Variants in AKR1D1 observed in about 807,000 individuals in gnomAD.
The protein encoded by AKR1D1 is aldo-keto reductase family 1 member D1, also known as delta(4)-3-ketosteroid 5-beta-reductase.
In AKR1D1, 32 loss-of-function variants were observed where a neutral mutation model predicts 42.6. That is an observed-to-expected ratio of 0.75 (90% CI 0.57 to 1.01). The LOEUF is 1.01. Among genes scored for constraint, AKR1D1 ranks in the 50% least tolerant of loss-of-function variants. AKR1D1 has a pLI of 0.00. For missense variants in AKR1D1, 364 were observed against 402.2 expected (o/e 0.91, Z 0.81); for synonymous variants, 123 against 135.5 (o/e 0.91, Z 0.64).
At chr7:138,110,260 T>C (rs777346661) in intron 7 of AKR1D1, among the ~76,000 whole-genome samples, 9 of 151,926 alleles carry the variant, frequency 5.9e-5, no homozygotes, top group Non-Finnish European at 1.0e-4. Context: ...GAAAAATAAA[T>C]ATTTTGATGA....
chr7:138,114,858 A>C (rs1794605774), intron 8 of AKR1D1, among the ~76,000 whole-genome samples: 1 of 152,100 alleles, frequency 6.6e-6, no homozygotes, highest in Admixed American at 6.6e-5. Flanking sequence ...AGAAAATGCT[A>C]AGATGATTCA....
At chr7:138,086,106 G>C (rs568624667) in intron 1 of AKR1D1, among the ~76,000 whole-genome samples, 1 of 152,212 alleles carries the variant, frequency 6.6e-6, no homozygotes, top group Admixed American at 6.5e-5. Context: ...GGGAGGCTGA[G>C]GTGGAAGAAT....
chr7:138,114,928 G>A (rs1319413523), intron 8 of AKR1D1, among the ~76,000 whole-genome samples: 1 of 152,102 alleles, frequency 6.6e-6, no homozygotes, highest in African/African-American at 2.4e-5. Flanking sequence ...AAAGTACAGT[G>A]ACTGGATTAA....
chr7:138,113,939 A>C (rs1341568827), intron 8 of AKR1D1, among the ~76,000 whole-genome samples, 167 bp downstream of exon 8: 2 of 152,138 alleles, frequency 1.3e-5, no homozygotes, highest in Non-Finnish European at 2.9e-5. Context: ...CATCCACTAC[A>C]GGGCCTTCCA....
intron 8 of AKR1D1, among the ~76,000 whole-genome samples, chr7:138,114,573 T>C (rs1426694997): frequency 6.7e-6 from 1 of 150,082 alleles, no homozygotes; most frequent in Non-Finnish European, 1.5e-5. Flanking sequence ...GGCAGGAGAA[T>C]TGCCTGAACC....
intron 2 of AKR1D1, among the ~76,000 whole-genome samples, chr7:138,090,820 T>C (rs965982200): frequency 1.3e-5 from 2 of 152,160 alleles, no homozygotes; most frequent in Non-Finnish European, 2.9e-5. Context: ...AACCAAACCT[T>C]GATCCTTCAT....
At chr7:138,104,425 C>T (rs968995441) in intron 4 of AKR1D1, among the ~76,000 whole-genome samples, 1 of 152,074 alleles carries the variant, frequency 6.6e-6, no homozygotes, top group Non-Finnish European at 1.5e-5. Context: ...CAGCCAGGCG[C>T]AGTGGCTCAT....
intron 2 of AKR1D1, among the ~76,000 whole-genome samples, chr7:138,089,153 AC>A (rs1227720790): frequency 6.6e-6 from 1 of 151,972 alleles, no homozygotes; most frequent in Non-Finnish European, 1.5e-5. Context: ...TTCAAGACCA[AC>A]CTGGGTAACA....
At chr7:138,110,457 A>T (rs2117469734) in intron 7 of AKR1D1, among the ~76,000 whole-genome samples, 1 of 152,114 alleles carries the variant, frequency 6.6e-6, no homozygotes, top group Non-Finnish European at 1.5e-5. Flanking sequence ...AAGTTAAGTT[A>T]AATCATCAGT....
At chr7:138,085,694 G>A (rs188314446) in intron 1 of AKR1D1, among the ~76,000 whole-genome samples, 11 of 152,032 alleles carry the variant, frequency 7.2e-5, no homozygotes, top group Admixed American at 2.6e-4. Context: ...GATCTGCCCC[G>A]CCTGGGCCTC....
intron 3 of AKR1D1, among the ~76,000 whole-genome samples, chr7:138,096,277 A>G (rs1367848945): frequency 2.6e-5 from 4 of 152,164 alleles, no homozygotes; most frequent in Non-Finnish European, 4.4e-5. Flanking sequence ...AAGAAAAAAA[A>G]AAGAATGCCT....
At chr7:138,109,891 C>T (rs1365255945) in intron 7 of AKR1D1, among the ~76,000 whole-genome samples, 1 of 152,140 alleles carries the variant, frequency 6.6e-6, no homozygotes, top group East Asian at 1.9e-4. Context: ...GACTTTATAG[C>T]ATCTAGCAAA....
chr7:138,084,689 G>A (rs1803132324), intron 1 of AKR1D1, among the ~76,000 whole-genome samples: 1 of 151,814 alleles, frequency 6.6e-6, no homozygotes. Flanking sequence ...TGATCTTTCC[G>A]ATTTTTTTCA....
At chr7:138,110,401 G>A (rs906285153) in intron 7 of AKR1D1, among the ~76,000 whole-genome samples, 7 of 151,870 alleles carry the variant, frequency 4.6e-5, no homozygotes, top group Non-Finnish European at 8.8e-5. Flanking sequence ...GAGTTTGAGA[G>A]CAGCCTGGGC....
intron 7 of AKR1D1, among the ~76,000 whole-genome samples, chr7:138,108,878 TTTATATGTATG>T (rs1794483689): frequency 6.6e-6 from 1 of 152,218 alleles, no homozygotes; most frequent in Non-Finnish European, 1.5e-5. Flanking sequence ...CACTCCACAA[TTTATATGTATG>T]TCAAAACATC....
At chr7:138,104,738 T>C (rs559446967) in intron 4 of AKR1D1, among the ~76,000 whole-genome samples, 1 of 151,344 alleles carries the variant, frequency 6.6e-6, no homozygotes, top group Admixed American at 6.6e-5. Context: ...ACCCAAAAAT[T>C]TCAAGAAGTA....
intron 4 of AKR1D1, among the ~76,000 whole-genome samples, chr7:138,099,227 G>T (rs1452858371): frequency 1.3e-5 from 2 of 152,154 alleles, no homozygotes; most frequent in African/African-American, 4.8e-5. Flanking sequence ...ATCAGGTTTG[G>T]ACAGTTGGAC....
At chr7:138,111,502 T>C (rs938403628) in intron 7 of AKR1D1, among the ~76,000 whole-genome samples, 2 of 152,204 alleles carry the variant, frequency 1.3e-5, no homozygotes, top group African/African-American at 4.8e-5. Context: ...CCACATCTGA[T>C]ACAGTTAACA....
chr7:138,111,753 G>A (rs1490696298), intron 7 of AKR1D1, among the ~76,000 whole-genome samples: 2 of 152,212 alleles, frequency 1.3e-5, no homozygotes, highest in East Asian at 1.9e-4. Context: ...CAAAGTTTAT[G>A]AAAGTAAGTT....
Sources: gnomAD v4.1 joint callset for allele counts (sites outside exome capture counted in the v4.1 genomes callset) on GRCh38, gnomAD v4.1.1 for gene constraint, MANE v1.5 for transcripts, NCBI Gene and HGNC (gene_info 2026-07-23, HGNC 2026-07-21) for gene names.